Variants in DCLK1 observed in about 807,000 individuals in gnomAD.
DCLK1 encodes doublecortin like kinase 1, also known as serine/threonine-protein kinase DCLK1.
In DCLK1, 16 loss-of-function variants were observed where a neutral mutation model predicts 86.2. That is an observed-to-expected ratio of 0.19 (90% CI 0.13 to 0.28). The LOEUF (loss-of-function observed/expected upper bound fraction) is 0.28. DCLK1 is among the 10% of genes least tolerant of loss of function. The pLI is 1.00. For missense variants in DCLK1, 590 were observed against 940.2 expected, an observed-to-expected ratio of 0.63 and a Z score of 4.87; for synonymous variants, 369 against 370.5, an observed-to-expected ratio of 1.00 and a Z score of 0.05.
chr13:36,125,197 A>G (rs1886126516), intron 2 of DCLK1, among the ~76,000 whole-genome samples: 1 of 152,216 alleles, frequency 6.6e-6, no homozygotes, highest in Non-Finnish European at 1.5e-5. Context: ...TTTAAACTCA[A>G]AAGGAAGCAT....
At chr13:35,860,609 G>T (rs1593670989) in intron 5 of DCLK1, among the ~76,000 whole-genome samples, 2 of 152,116 alleles carry the variant, frequency 1.3e-5, no homozygotes, top group South Asian at 2.1e-4. Flanking sequence ...ACTTACAAAG[G>T]CTCCAAACCT....
chr13:36,019,700 A>G (rs1232470547), intron 3 of DCLK1, among the ~76,000 whole-genome samples: 2 of 152,172 alleles, frequency 1.3e-5, no homozygotes, highest in African/African-American at 2.4e-5. Context: ...ATTTCTTCAT[A>G]TGCTTCTTAT....
chr13:35,850,648 G>A, intron 6 of DCLK1: 1 of 1,444,888 alleles, frequency 6.9e-7, no homozygotes, highest in South Asian at 1.6e-5. Context: ...GTATTTTGCT[G>A]TAAGACTTTT....
intron 5 of DCLK1, among the ~76,000 whole-genome samples, chr13:35,866,932 C>A (rs1478823877): frequency 6.6e-6 from 1 of 152,128 alleles, no homozygotes; most frequent in Admixed American, 6.5e-5. Context: ...AGACCTGGGC[C>A]AGAGCAGTGG....
intron 3 of DCLK1, among the ~76,000 whole-genome samples, chr13:35,978,528 A>G (rs1879472010): frequency 6.6e-6 from 1 of 152,024 alleles, no homozygotes. Context: ...TTTTCATTCA[A>G]TAAGTCTACA....
intron 5 of DCLK1, among the ~76,000 whole-genome samples, chr13:35,854,839 C>T (rs935024776): frequency 3.3e-5 from 5 of 152,176 alleles, no homozygotes; most frequent in African/African-American, 1.2e-4. Flanking sequence ...CCTTTCACAA[C>T]TTTCCTGATG....
chr13:35,792,169 C>T (rs932601749), intron 16 of DCLK1, among the ~76,000 whole-genome samples: 2 of 152,222 alleles, frequency 1.3e-5, no homozygotes, highest in African/African-American at 4.8e-5. Context: ...TTCCCTTTCA[C>T]TTTACACATG....
chr13:36,045,363 TATA>T (rs1882864470), intron 3 of DCLK1, among the ~76,000 whole-genome samples: 1 of 131,694 alleles, frequency 7.6e-6, no homozygotes, highest in African/African-American at 2.9e-5. Flanking sequence ...TATATATATA[TATA>T]TATATATATA....
chr13:35,883,252 T>C (rs944682774), intron 4 of DCLK1, among the ~76,000 whole-genome samples: 2 of 152,162 alleles, frequency 1.3e-5, no homozygotes, highest in African/African-American at 2.4e-5. Context: ...AGGCGGGGCC[T>C]AATGGGAGGT....
At chr13:35,962,311 C>T (rs1298491590) in intron 3 of DCLK1, among the ~76,000 whole-genome samples, 1 of 151,976 alleles carries the variant, frequency 6.6e-6, no homozygotes, top group Non-Finnish European at 1.5e-5. Flanking sequence ...GACTGGTGGC[C>T]TTATAAGAAA....
At chr13:35,917,266 T>C (rs566906967) in intron 4 of DCLK1, among the ~76,000 whole-genome samples, 2 of 152,256 alleles carry the variant, frequency 1.3e-5, no homozygotes, top group Non-Finnish European at 2.9e-5. Context: ...TGTCTCTTGT[T>C]ATAGGGGCCT....
intron 3 of DCLK1, among the ~76,000 whole-genome samples, chr13:36,059,287 G>A (rs1224820969): frequency 6.6e-6 from 1 of 152,116 alleles, no homozygotes; most frequent in Non-Finnish European, 1.5e-5. Context: ...ATTCCCTACA[G>A]TACTGCTCCA....
At chr13:36,108,536 G>A (rs1266679909) in intron 3 of DCLK1, among the ~76,000 whole-genome samples, 1 of 152,124 alleles carries the variant, frequency 6.6e-6, no homozygotes, top group Non-Finnish European at 1.5e-5. Flanking sequence ...TCTCCTCTGG[G>A]TAAGATATTA....
rs532805036 is a variant in DCLK1 at position 35,928,274 on chromosome 13, G to C, written c.823+19084C>G. Reference sequence around the variant, plus strand: ...ATGAAGTCTGGGCCGACTCCTGGTAGTTGGTGTTGGAACTGCCCTCAGCAC... The same window carrying C: ...ATGAAGTCTGGGCCGACTCCTGGTACTTGGTGTTGGAACTGCCCTCAGCAC... On this transcript the variant is annotated intron_variant, in intron 4 of 16. Transcript: ENST00000360631. 4.6e-5 allele frequency among the ~76,000 whole-genome samples: 7 copies of C among 152,272 alleles called. No homozygotes were observed. The South Asian group carries it at 1.5e-3, about 32-fold the overall frequency.
intron 3 of DCLK1, among the ~76,000 whole-genome samples, chr13:36,106,447 T>C (rs969057034): frequency 3.9e-5 from 6 of 152,232 alleles, no homozygotes; most frequent in African/African-American, 1.4e-4. Context: ...TAACATGTGC[T>C]CTGAGCTTTT....
At chr13:35,788,894 T>G (rs568853373) in intron 16 of DCLK1, among the ~76,000 whole-genome samples, 46 of 152,280 alleles carry the variant, frequency 3.0e-4, no homozygotes, top group African/African-American at 1.1e-3. Flanking sequence ...ACTAAGAAGA[T>G]AGAGTATAAA....
chr13:35,837,062 T>G (rs1234925927), intron 7 of DCLK1, among the ~76,000 whole-genome samples: 15 of 152,176 alleles, frequency 9.9e-5, no homozygotes. Context: ...GTTTTCTAAA[T>G]GCACTCCTCT....
At chr13:35,786,207 G>T (rs564327927) in intron 16 of DCLK1, among the ~76,000 whole-genome samples, 5 of 152,246 alleles carry the variant, frequency 3.3e-5, no homozygotes, top group Admixed American at 3.3e-4. Context: ...TTGGGGTTTA[G>T]TTCCCATCCT....
At chr13:36,095,952 TAAAC>T (rs550325457) in intron 3 of DCLK1, among the ~76,000 whole-genome samples, 5 of 152,302 alleles carry the variant, frequency 3.3e-5, no homozygotes, top group South Asian at 2.1e-4. Flanking sequence ...AACCATATAA[TAAAC>T]AAACTAAATC....
Sources: gnomAD v4.1 joint callset for allele counts (sites outside exome capture counted in the v4.1 genomes callset) on GRCh38, gnomAD v4.1.1 for gene constraint, MANE v1.5 for transcripts, NCBI Gene and HGNC (gene_info 2026-07-23, HGNC 2026-07-21) for gene names.